The following SND1 variants were observed in gnomAD, a reference collection of about 807,000 sequenced individuals.
The protein encoded by SND1 is staphylococcal nuclease and tudor domain containing 1.
Under a neutral mutation model 121.7 loss-of-function variants are expected in SND1, and 38 were observed. The ratio of observed to expected loss-of-function variants is 0.31; its 90% CI spans 0.24 to 0.41. The LOEUF is 0.41. Among genes scored for constraint, SND1 ranks in the 10% least tolerant of loss-of-function variants. The pLI is 1.00. For missense variants in SND1, 868 were observed against 1,184.6 expected (o/e 0.73, Z 3.92); for synonymous variants, 401 against 447.4 (o/e 0.90, Z 1.31).
chr7:128,060,264 G>A (rs548901766), intron 16 of SND1, among the ~76,000 whole-genome samples: 5 of 152,104 alleles, frequency 3.3e-5, no homozygotes, highest in Non-Finnish European at 7.4e-5. Context: ...CATGATGCAG[G>A]ATCATGATAT....
At chr7:127,802,375 A>T (rs1487000428) in intron 10 of SND1, among the ~76,000 whole-genome samples, 1 of 152,076 alleles carries the variant, frequency 6.6e-6, no homozygotes, top group East Asian at 1.9e-4. Context: ...CCAGGCTTTT[A>T]CCCCTAGTGC....
intron 16 of SND1, among the ~76,000 whole-genome samples, chr7:128,010,856 G>GC (rs964119109): frequency 3.9e-5 from 6 of 152,112 alleles, no homozygotes; most frequent in African/African-American, 1.4e-4. Flanking sequence ...ATTGGCCCCA[G>GC]CCCCCCAGAG....
intron 13 of SND1, among the ~76,000 whole-genome samples, chr7:127,893,928 T>TCTCCAAA (rs1386384851): frequency 6.6e-6 from 1 of 152,044 alleles, no homozygotes; most frequent in East Asian, 1.9e-4. Context: ...ACATCTCCAA[T>TCTCCAAA]CTCCAAACTC....
At position 127,707,543 on chromosome 7, in the gene SND1, T is replaced by C; in HGVS notation, c.948-14T>C. On this transcript the variant is annotated splice_polypyrimidine_tract_variant and intron_variant, in intron 8 of 23. Transcript: ENST00000354725. ...CTGAGTCTGAATGATCTTGCATCCT[T>C]GCTTTGTTGCCAGGTTTGCCAAAGA... 6.2e-7 allele frequency: 1 copy of C among 1,612,822 alleles called. No individual in the cohort carries two copies.
intron 10 of SND1, among the ~76,000 whole-genome samples, chr7:127,764,045 A>AC (rs1554422835): frequency 1.1e-4 from 16 of 146,550 alleles, no homozygotes; most frequent in African/African-American, 2.2e-4. Flanking sequence ...TCGCAAAAAA[A>AC]AAAAAAACAA....
At chr7:127,780,439 A>G (rs1797698495) in intron 10 of SND1, among the ~76,000 whole-genome samples, 1 of 152,310 alleles carries the variant, frequency 6.6e-6, no homozygotes, top group South Asian at 2.1e-4. Flanking sequence ...CTTTTAAAGT[A>G]CTTATGTCCA....
chr7:127,767,065 T>C (rs968863084), intron 10 of SND1, among the ~76,000 whole-genome samples: 8 of 152,144 alleles, frequency 5.3e-5, no homozygotes, highest in African/African-American at 1.9e-4. Flanking sequence ...GAGAGAGATA[T>C]ATCTAGGGTA....
intron 22 of SND1, among the ~76,000 whole-genome samples, chr7:128,091,064 C>T (rs1258500715): frequency 6.6e-6 from 1 of 152,118 alleles, no homozygotes; most frequent in Admixed American, 6.5e-5. Context: ...GAAACAGCAC[C>T]CCTGCCCTGA....
At chr7:127,994,422 G>A (rs1205861390) in intron 16 of SND1, among the ~76,000 whole-genome samples, 1 of 151,744 alleles carries the variant, frequency 6.6e-6, no homozygotes, top group Non-Finnish European at 1.5e-5. Context: ...AGTGGTCTGG[G>A]CATTCTGGTG....
intron 10 of SND1, among the ~76,000 whole-genome samples, chr7:127,756,629 A>C (rs1212165846): frequency 6.6e-6 from 1 of 152,156 alleles, no homozygotes; most frequent in Admixed American, 6.5e-5. Context: ...TTCTTTAGCC[A>C]TTCCTCTGGG....
chr7:128,090,167 T>C (rs1409528732), intron 22 of SND1, among the ~76,000 whole-genome samples: 1 of 152,186 alleles, frequency 6.6e-6, no homozygotes, highest in African/African-American at 2.4e-5. Flanking sequence ...CCCCTTGGAC[T>C]TGGAGTCCTG....
At chr7:127,677,547 AG>A (rs1462620812) in intron 1 of SND1, among the ~76,000 whole-genome samples, 1 of 152,204 alleles carries the variant, frequency 6.6e-6, no homozygotes, top group East Asian at 1.9e-4. Context: ...GCTTTATATC[AG>A]GGGTTGGCAA....
intron 11 of SND1, among the ~76,000 whole-genome samples, chr7:127,825,905 A>G (rs934268475): frequency 1.5e-4 from 23 of 151,984 alleles, no homozygotes; most frequent in Non-Finnish European, 2.1e-4. Context: ...AAAATGGACA[A>G]TGGAGGCCGG....
At chr7:127,931,975 A>G (rs970327900) in intron 15 of SND1, among the ~76,000 whole-genome samples, 6 of 152,252 alleles carry the variant, frequency 3.9e-5, no homozygotes, top group Admixed American at 2.0e-4. Flanking sequence ...GCTCTGAAAG[A>G]GTTGTACAAG....
intron 12 of SND1, chr7:127,858,370 C>T: frequency 7.4e-7 from 1 of 1,356,346 alleles, no homozygotes; most frequent in East Asian, 2.5e-5. Context: ...TAGCCACTGT[C>T]TCTCTAGGCA....
chr7:127,773,621 G>A (rs530993183), intron 10 of SND1, among the ~76,000 whole-genome samples: 4 of 152,058 alleles, frequency 2.6e-5, no homozygotes, highest in Admixed American at 6.5e-5. Context: ...AATGGCCATC[G>A]CTGGGTATGT....
At chr7:128,084,230 A>T (rs555405352) in intron 18 of SND1, among the ~76,000 whole-genome samples, 1 of 152,222 alleles carries the variant, frequency 6.6e-6, no homozygotes, top group South Asian at 2.1e-4. Flanking sequence ...CCCATCCTTC[A>T]TCCCTACTTT....
Position 128,084,751 on chromosome 7 carries a change from A to G in SND1, c.2138A>G (p.Asn713Ser). ...TGTQLEKLME[N>S]MRNDIASHPP... is the part of the protein sequence containing the mutation. ...ACCCAGTTGGAGAAGCTGATGGAGAACATGCGCAATGACATTGCCAGTCAC... is the reference window on the plus strand; with the variant it reads ...ACCCAGTTGGAGAAGCTGATGGAGAGCATGCGCAATGACATTGCCAGTCAC... The change falls in exon 19 of 24, where the codon AAC (asparagine) becomes AGC (serine). Residue 713 changes from asparagine to serine, a missense_variant. Asn to Ser is a conservative substitution (Grantham distance 46, BLOSUM62 1). Around this residue, in one of 2 missense-constraint regions of SND1, gnomAD observed 743 missense variants for 1,071.3 expected, o/e 0.69. Transcript: ENST00000354725. The G allele has an allele frequency of 6.2e-7, 1 of 1,609,330 alleles. No homozygotes were observed. Among genetic ancestry groups the G allele is most frequent in the African/African-American group, 1.3e-5 (1 of 74,990 alleles).
chr7:127,745,313 G>A (rs1796961251), intron 10 of SND1, among the ~76,000 whole-genome samples: 1 of 152,108 alleles, frequency 6.6e-6, no homozygotes, highest in African/African-American at 2.4e-5. Flanking sequence ...TGGTATTTGT[G>A]TATCTAAACA....
Sources: allele counts gnomAD v4.1 joint callset (sites outside exome capture counted in the v4.1 genomes callset), GRCh38; gene constraint gnomAD v4.1.1; regional missense constraint gnomAD v4.1.1; transcripts MANE v1.5; gene names NCBI Gene and HGNC (gene_info 2026-07-23, HGNC 2026-07-21).